HNF4A: variants seen among roughly 807,000 people sequenced by gnomAD.
HNF4A encodes the protein hepatocyte nuclear factor 4-alpha.
HNF4A carries 15 observed loss-of-function variants against 52.4 expected under a neutral mutation model. That is an observed-to-expected ratio of 0.29 (90% confidence interval 0.19 to 0.44). The LOEUF (loss-of-function observed/expected upper bound fraction) is 0.44, where lower values mean the gene tolerates loss of function less well. Among genes scored for constraint, HNF4A ranks in the 20% least tolerant of loss-of-function variants. HNF4A has a pLI of 1.00. For missense variants in HNF4A, 479 were observed against 647.2 expected (o/e 0.74, Z 2.82); for synonymous variants, 280 against 264.4 (o/e 1.06, Z -0.57).
chr20:44,355,745 T>C (rs920973034), exon 1 of HNF4A: 1 of 1,515,564 alleles, frequency 6.6e-7, no homozygotes, highest in Non-Finnish European at 9.2e-7. Flanking sequence ...GCTGTGCTGC[T>C]GCTGTGAGCG....
chr20:44,408,251 A>G (rs2063531573), intron 3 of HNF4A: 1 of 155,816 alleles, frequency 6.4e-6, no homozygotes. Context: ...TGAGGCCCAC[A>G]ATGGTTAAGC....
intron 1 of HNF4A, among the ~76,000 whole-genome samples, chr20:44,368,190 A>G (rs1362956194): frequency 5.6e-5 from 2 of 36,022 alleles, no homozygotes; most frequent in African/African-American, 1.9e-4. Flanking sequence ...TTTTTGAGAC[A>G]GGGTCTCACT....
At chr20:44,357,185 G>A (rs1270520367) in intron 1 of HNF4A, among the ~76,000 whole-genome samples, 7 of 152,168 alleles carry the variant, frequency 4.6e-5, no homozygotes, top group African/African-American at 1.4e-4. Flanking sequence ...GGAAATGGCA[G>A]AGGCTGAAGA....
At position 44,431,677 on chromosome 20, in the gene HNF4A, G is replaced by C. The variant is rs2063879484; in HGVS notation, c.*2012G>C. On this transcript the variant is annotated 3_prime_UTR_variant, in exon 10 of 10. Coordinates refer to ENST00000316099, the MANE Select transcript of HNF4A (RefSeq NM_000457.6). The stretch of plus-strand genomic sequence containing the variant: ...ACATTCTGGAAAATGCCACTGACCA[G>C]TGTGAACAAAAGGGATGTGTTATGG... 6.6e-6 allele frequency: 1 copy of C among 152,246 alleles called. No individual in the cohort carries two copies. The highest frequency in any genetic ancestry group is 6.5e-5 in the Admixed American group (1 of 15,276). 9.4% of individuals were successfully genotyped at this position (152,246 alleles called of 1,614,324 possible).
At chr20:44,426,934 A>T (rs2063821117) in intron 8 of HNF4A, among the ~76,000 whole-genome samples, 1 of 152,188 alleles carries the variant, frequency 6.6e-6, no homozygotes. Context: ...CATGAGGTGA[A>T]GTCAAAGTGG....
intron 7 of HNF4A, among the ~76,000 whole-genome samples, chr20:44,422,882 T>C (rs1308135118): frequency 6.6e-6 from 1 of 151,792 alleles, no homozygotes; most frequent in Non-Finnish European, 1.5e-5. Flanking sequence ...TTTCACCATA[T>C]TGACCAGGCT....
chr20:44,384,975 C>G (rs1315799773), intron 1 of HNF4A, among the ~76,000 whole-genome samples: 1 of 150,098 alleles, frequency 6.7e-6, no homozygotes, highest in Non-Finnish European at 1.5e-5. Flanking sequence ...AGACACACCT[C>G]TCAGGCTGCC....
chr20:44,422,950 C>T (rs1180718220), intron 7 of HNF4A, among the ~76,000 whole-genome samples: 1 of 152,056 alleles, frequency 6.6e-6, no homozygotes, highest in Non-Finnish European at 1.5e-5. Flanking sequence ...CAGTGCTGGG[C>T]TTACAGGCAT....
intron 1 of HNF4A, among the ~76,000 whole-genome samples, chr20:44,385,041 T>G (rs2063202362): frequency 6.8e-6 from 1 of 146,266 alleles, no homozygotes; most frequent in African/African-American, 2.6e-5. Context: ...CTAAGTGGTT[T>G]CAGCTGAACT....
At chr20:44,401,642 C>T (rs1416132694) in intron 1 of HNF4A, 2 of 476,598 alleles carry the variant, frequency 4.2e-6, no homozygotes, top group Admixed American at 1.3e-4. Context: ...CAAGTGAAGC[C>T]CATGTGCCCA....
chr20:44,369,249 CAAAAAAAA>C (rs751374772), intron 1 of HNF4A, among the ~76,000 whole-genome samples: 5 of 24,824 alleles, frequency 2.0e-4, no homozygotes, highest in African/African-American at 7.4e-4. Context: ...AACTCCATCT[CAAAAAAAA>C]AAAAAAAAAA....
At chr20:44,390,518 TA>T in intron 1 of HNF4A, 1 of 671,884 alleles carries the variant, frequency 1.5e-6, no homozygotes, top group Non-Finnish European at 2.7e-6. Context: ...TGACCAGTAT[TA>T]AGGGATTAAC....
chr20:44,390,787 AC>A (rs1202193894), intron 1 of HNF4A: 2 of 641,966 alleles, frequency 3.1e-6, no homozygotes, highest in African/African-American at 1.8e-5. Flanking sequence ...GAGGATTTGT[AC>A]CCTCATCCCC....
intron 6 of HNF4A, among the ~76,000 whole-genome samples, chr20:44,419,328 T>C (rs1395449426): frequency 1.3e-5 from 2 of 152,212 alleles, no homozygotes; most frequent in Non-Finnish European, 2.9e-5. Flanking sequence ...ACAGAGAGGT[T>C]AAGTAACTTA....
At chr20:44,359,389 C>T (rs1040466445) in intron 1 of HNF4A, among the ~76,000 whole-genome samples, 1 of 151,832 alleles carries the variant, frequency 6.6e-6, no homozygotes, top group African/African-American at 2.4e-5. Flanking sequence ...TTCCTCAGTG[C>T]CCTTGTTTCT....
chr20:44,419,535 A>C (rs913445184), intron 6 of HNF4A, among the ~76,000 whole-genome samples, 186 bp from the exon 7 acceptor site: 2 of 152,216 alleles, frequency 1.3e-5, no homozygotes, highest in African/African-American at 2.4e-5. Flanking sequence ...GCTCAGCCGG[A>C]TGACTCAAGG....
chr20:44,419,985 C>T lies in HNF4A; in HGVS notation c.892+109C>T, dbSNP rs369506161. ...AGTTCACAGCCTCATCTCATGTTAA[C>T]GACAGCCAGGAGAGGCCGTTTTCAT... On this transcript the variant is annotated intron_variant, in intron 7 of 9. Transcript: ENST00000316099. The T allele has an allele frequency of 9.3e-6, 11 of 1,178,652 alleles. 1 individual carries two copies. Among genetic ancestry groups the T allele is most frequent in the South Asian group, 7.4e-5 (6 of 81,498 alleles). The allele number at this position is 1,178,652 out of a possible 1,614,324, so 73.0% of individuals were successfully genotyped here.
At chr20:44,390,792 C>A in intron 1 of HNF4A, 1 of 634,356 alleles carries the variant, frequency 1.6e-6, no homozygotes, top group Non-Finnish European at 2.8e-6. Context: ...TTTGTACCCT[C>A]ATCCCCTAAC....
At chr20:44,381,565 G>A (rs1308615296) in intron 1 of HNF4A, among the ~76,000 whole-genome samples, 1 of 152,046 alleles carries the variant, frequency 6.6e-6, no homozygotes, top group Non-Finnish European at 1.5e-5. Flanking sequence ...TTACAGGCGT[G>A]AGCCACTTCA....
Sources: allele counts gnomAD v4.1 joint callset (sites outside exome capture counted in the v4.1 genomes callset), GRCh38; gene constraint gnomAD v4.1.1; transcripts MANE v1.5; gene names NCBI Gene and HGNC (gene_info 2026-07-23, HGNC 2026-07-21).